EXT1: variants seen among roughly 807,000 people sequenced by gnomAD.
The protein encoded by EXT1 is exostosin glycosyltransferase 1.
EXT1 carries 20 observed loss-of-function variants against 82.5 expected under a neutral mutation model. The observed-to-expected ratio is 0.24, with a 90% CI of 0.17 to 0.35. The LOEUF (loss-of-function observed/expected upper bound fraction) is 0.35. Among genes scored for constraint, EXT1 ranks in the 10% least tolerant of loss-of-function variants. The pLI, the probability that EXT1 is intolerant of heterozygous loss-of-function variation, is 1.00. For missense variants in EXT1, 757 were observed against 936.5 expected, an observed-to-expected ratio of 0.81 and a Z score of 2.50; for synonymous variants, 348 against 350.8, an observed-to-expected ratio of 0.99 and a Z score of 0.09.
rs1554581729 is a variant in EXT1 at position 117,858,791 on chromosome 8, A to AGGCAGGCAGGCAGGC, written c.963-21591_963-21590insGCCTGCCTGCCTGCC. 1.4e-3 allele frequency among the ~76,000 whole-genome samples: 84 copies of AGGCAGGCAGGCAGGC among 58,424 alleles called. 3 individuals are homozygous for AGGCAGGCAGGCAGGC. The highest frequency in any genetic ancestry group is 3.0e-3 in the Admixed American group (16 of 5,284). 38.3% of individuals were successfully genotyped at this position (58,424 alleles called of 152,430 possible). On this transcript the variant is annotated intron_variant, in intron 1 of 10. Transcript: ENST00000378204. ...AAGGCAGGCAGGCAGGCAGGCAGGC[A>AGGCAGGCAGGCAGGC]AGGCAAGGCAAGGCAAGGCAGGAAG...
rs545234971 is a variant in EXT1 at position 117,984,185 on chromosome 8, G to A, written c.962+125900C>T. Among the ~76,000 whole-genome samples, 7 of 152,346 alleles carry A rather than the reference G, an allele frequency of 4.6e-5. No individual in the cohort carries two copies. In the East Asian group the frequency reaches 5.8e-4, roughly 13 times the overall value. On this transcript the variant is annotated intron_variant, in intron 1 of 10. Transcript: ENST00000378204. ...TGTCATCCCAGCACTTTGGGAGACT[G>A]AGGCAGGTGGATGACCTGAGGTCAG...
At chr8:118,003,865 T>C (rs1815724058) in intron 1 of EXT1, among the ~76,000 whole-genome samples, 1 of 152,342 alleles carries the variant, frequency 6.6e-6, no homozygotes, top group East Asian at 1.9e-4. Context: ...AAACAAGGTA[T>C]ATTTTCATGG....
chr8:117,853,973 T>A (rs4876394), intron 1 of EXT1, among the ~76,000 whole-genome samples: 2 of 152,260 alleles, frequency 1.3e-5, no homozygotes, highest in African/African-American at 4.8e-5. Flanking sequence ...GCTGGGATGG[T>A]ACACTCAGGG....
At chr8:117,809,585 C>G (rs1490889533) in intron 8 of EXT1, among the ~76,000 whole-genome samples, 1 of 150,512 alleles carries the variant, frequency 6.6e-6, no homozygotes, top group African/African-American at 2.4e-5. Flanking sequence ...TGCGGTGAGC[C>G]GAGATGGTGC....
Position 118,090,698 on chromosome 8 carries a change from G to A in EXT1, c.962+19387C>T, listed in dbSNP as rs1211422528. ...GGAAGCTGATGCAGGAGAATTGCTT[G>A]AGCCTGGGAGACAGAGGTTGCAGTG... is the stretch of plus-strand genomic sequence containing the variant. On this transcript the variant is annotated intron_variant, in intron 1 of 10. Transcript: ENST00000378204. 4.2e-5 allele frequency among the ~76,000 whole-genome samples: 6 copies of A among 142,378 alleles called. No homozygotes were observed. The East Asian group carries it at 1.3e-3, about 31-fold the overall frequency. 93.4% of individuals were successfully genotyped at this position (142,378 alleles called of 152,430 possible).
At chr8:118,068,482 G>A (rs1051797413) in intron 1 of EXT1, among the ~76,000 whole-genome samples, 1 of 151,796 alleles carries the variant, frequency 6.6e-6, no homozygotes, top group Non-Finnish European at 1.5e-5. Context: ...TCCCCACCCC[G>A]CTCTCCCCCG....
intron 8 of EXT1, 71 bp downstream of exon 8, chr8:117,812,801 C>G: frequency 7.6e-7 from 1 of 1,320,730 alleles, no homozygotes; most frequent in Non-Finnish European, 1.1e-6. Context: ...CTAAAAGAAG[C>G]ATTAGCATCG....
intron 1 of EXT1, among the ~76,000 whole-genome samples, chr8:118,011,018 C>T (rs1741881167): frequency 6.6e-6 from 1 of 152,182 alleles, no homozygotes. Flanking sequence ...AATGGGAGAG[C>T]CATCAAGATG....
At chr8:118,061,130 T>C (rs1000334000) in intron 1 of EXT1, among the ~76,000 whole-genome samples, 4 of 152,198 alleles carry the variant, frequency 2.6e-5, no homozygotes, top group Admixed American at 6.5e-5. Flanking sequence ...GGTTTTCTCA[T>C]CTAAAATCCA....
intron 1 of EXT1, among the ~76,000 whole-genome samples, chr8:118,059,574 CACAG>C (rs1816851409): frequency 6.6e-6 from 1 of 152,224 alleles, no homozygotes; most frequent in Non-Finnish European, 1.5e-5. Context: ...TTTGGAACTC[CACAG>C]ACACAGAGGC....
intron 1 of EXT1, among the ~76,000 whole-genome samples, chr8:117,966,375 T>C (rs1183473092): frequency 2.6e-5 from 4 of 152,234 alleles, no homozygotes; most frequent in African/African-American, 9.6e-5. Context: ...AGACATGTCC[T>C]CCTAAAGTGC....
At chr8:117,919,764 A>C (rs564629651) in intron 1 of EXT1, among the ~76,000 whole-genome samples, 2 of 152,280 alleles carry the variant, frequency 1.3e-5, no homozygotes, top group Admixed American at 1.3e-4. Flanking sequence ...TCAGCCTCCC[A>C]AAGTGCTGCA....
intron 1 of EXT1, among the ~76,000 whole-genome samples, chr8:117,988,176 G>A (rs1176470664): frequency 6.6e-6 from 1 of 152,146 alleles, no homozygotes; most frequent in Non-Finnish European, 1.5e-5. Context: ...GGCCAAACAA[G>A]GCTAATATTA....
At chr8:117,928,601 A>G (rs990493732) in intron 1 of EXT1, among the ~76,000 whole-genome samples, 10 of 152,216 alleles carry the variant, frequency 6.6e-5, no homozygotes, top group Admixed American at 3.9e-4. Context: ...AATCACAGCA[A>G]TAACATTTAC....
At chr8:117,840,042 C>A (rs1329448967) in intron 1 of EXT1, among the ~76,000 whole-genome samples, 1 of 152,164 alleles carries the variant, frequency 6.6e-6, no homozygotes, top group Admixed American at 6.5e-5. Context: ...GCCACTCTCC[C>A]CAGCAAAACA....
At chr8:118,039,730 C>T (rs1046356033) in intron 1 of EXT1, among the ~76,000 whole-genome samples, 15 of 152,006 alleles carry the variant, frequency 9.9e-5, no homozygotes, top group Non-Finnish European at 2.2e-4. Context: ...ATTCATAAGA[C>T]ATGAATTATG....
chr8:117,912,250 A>G (rs1813662439), intron 1 of EXT1, among the ~76,000 whole-genome samples: 1 of 152,172 alleles, frequency 6.6e-6, no homozygotes, highest in Admixed American at 6.5e-5. Flanking sequence ...TAGAAGTCCT[A>G]ACAGAGCTAG....
At chr8:117,888,930 T>G (rs2129938062) in intron 1 of EXT1, among the ~76,000 whole-genome samples, 1 of 152,292 alleles carries the variant, frequency 6.6e-6, no homozygotes, top group East Asian at 1.9e-4. Context: ...ACTCAATCTT[T>G]CTCGCTGATG....
intron 1 of EXT1, among the ~76,000 whole-genome samples, chr8:117,864,107 C>T (rs7822595): frequency 9.9e-5 from 15 of 152,092 alleles, no homozygotes; most frequent in Admixed American, 2.6e-4. Context: ...GAGAGAACAA[C>T]GCTGAGAAAT....
Sources: gnomAD v4.1 joint callset for allele counts (sites outside exome capture counted in the v4.1 genomes callset) on GRCh38, gnomAD v4.1.1 for gene constraint, MANE v1.5 for transcripts, NCBI Gene and HGNC (gene_info 2026-07-23, HGNC 2026-07-21) for gene names.